The following LRRC37A2 variants were observed in gnomAD, a reference collection of about 807,000 sequenced individuals.
The protein encoded by LRRC37A2 is leucine-rich repeat-containing protein 37A2.
A neutral mutation model predicts 68.8 loss-of-function variants in LRRC37A2; 9 were observed. That is an observed-to-expected ratio of 0.13 (90% CI 0.08 to 0.23). The LOEUF (loss-of-function observed/expected upper bound fraction) is 0.23, where lower values mean the gene tolerates loss of function less well. LRRC37A2 is among the 10% of genes least tolerant of loss of function. LRRC37A2 has a pLI of 1.00. For missense variants in LRRC37A2, 168 were observed against 950.4 expected, an observed-to-expected ratio of 0.18 and a Z score of 10.82; for synonymous variants, 63 against 367.6, an observed-to-expected ratio of 0.17 and a Z score of 9.48.
the LRRC37A2 span, among the ~76,000 whole-genome samples, chr17:46,945,518 C>G: frequency 1.3e-5 from 2 of 152,184 alleles, 1 homozygote; most frequent in African/African-American, 4.8e-5. Context: ...CTTAATCACT[C>G]CAGCCTCAGT....
the LRRC37A2 span, among the ~76,000 whole-genome samples, chr17:47,004,192 C>A: frequency 6.6e-6 from 1 of 151,940 alleles, no homozygotes; most frequent in African/African-American, 2.4e-5. Context: ...CATGTGCATG[C>A]GCCTTTATAG....
chr17:46,558,702 T>C (rs1427520102), downstream of LRRC37A2: 1 of 135,552 alleles, frequency 7.4e-6, no homozygotes, highest in Admixed American at 7.4e-5. Flanking sequence ...GGAAATTCAG[T>C]TTCTGAAAAT....
the LRRC37A2 span, among the ~76,000 whole-genome samples, chr17:46,770,922 C>G: frequency 2.0e-5 from 3 of 152,270 alleles, no homozygotes; most frequent in Non-Finnish European, 4.4e-5. Flanking sequence ...GCCCAACCAT[C>G]TCTCTCCTCA....
chr17:46,979,269 G>T, the LRRC37A2 span: 1 of 321,646 alleles, frequency 3.1e-6, no homozygotes, highest in Non-Finnish European at 5.9e-6. Context: ...GCGGTCGCCC[G>T]CTGGGTTCCT....
the LRRC37A2 span, among the ~76,000 whole-genome samples, chr17:46,970,554 A>C: frequency 6.3e-4 from 96 of 151,326 alleles, 2 homozygotes; most frequent in South Asian, 0.012. Flanking sequence ...AAAAAAAAAA[A>C]AAAAAACTCA....
the LRRC37A2 span, among the ~76,000 whole-genome samples, chr17:46,598,752 C>T: frequency 6.6e-6 from 1 of 151,992 alleles, no homozygotes; most frequent in Non-Finnish European, 1.5e-5. Context: ...GGGTGAATGA[C>T]ATCATTACCA....
At chr17:46,847,126 C>T in the LRRC37A2 span, among the ~76,000 whole-genome samples, 1 of 152,176 alleles carries the variant, frequency 6.6e-6, no homozygotes, top group Non-Finnish European at 1.5e-5. Context: ...ATTTCTTACC[C>T]CACACTCCCA....
the LRRC37A2 span, among the ~76,000 whole-genome samples, chr17:46,987,251 CAAT>C: frequency 2.6e-4 from 40 of 151,392 alleles, no homozygotes; most frequent in Admixed American, 2.6e-4. Context: ...TCAAAAATAA[CAAT>C]AATAATAATA....
At chr17:46,781,240 A>G in the LRRC37A2 span, among the ~76,000 whole-genome samples, 1 of 152,116 alleles carries the variant, frequency 6.6e-6, no homozygotes, top group Admixed American at 6.6e-5. Flanking sequence ...ACCAAAAAAA[A>G]AAAAAGGAAT....
the LRRC37A2 span, among the ~76,000 whole-genome samples, chr17:46,773,511 G>A: frequency 6.6e-6 from 1 of 152,156 alleles, no homozygotes; most frequent in East Asian, 1.9e-4. Flanking sequence ...CCCCAGCAGC[G>A]CCTGGGAAGG....
At chr17:46,993,400 A>T in the LRRC37A2 span, among the ~76,000 whole-genome samples, 2 of 152,262 alleles carry the variant, frequency 1.3e-5, no homozygotes, top group South Asian at 4.1e-4. Context: ...GCCTACCCCC[A>T]GGATTTAAGG....
chr17:47,023,750 A>AGGTGC, the LRRC37A2 span, among the ~76,000 whole-genome samples: 1 of 152,002 alleles, frequency 6.6e-6, no homozygotes, highest in East Asian at 1.9e-4. Flanking sequence ...GCCCTCCATC[A>AGGTGC]CACCCAGCTA....
chr17:46,461,278 T>C, the LRRC37A2 span, among the ~76,000 whole-genome samples: 1 of 103,240 alleles, frequency 9.7e-6, no homozygotes, highest in East Asian at 2.5e-4. Context: ...CCTACAGCTA[T>C]ATACAGTTGT....
chr17:46,876,152 T>C, the LRRC37A2 span: 4 of 1,232,254 alleles, frequency 3.2e-6, no homozygotes, highest in African/African-American at 6.1e-5. Context: ...CCCATTCTCC[T>C]GCCTCTGCCC....
the LRRC37A2 span, chr17:46,929,411 G>A: frequency 1.4e-6 from 1 of 732,206 alleles, no homozygotes; most frequent in Non-Finnish European, 2.5e-6. Flanking sequence ...GTTCAGTGAT[G>A]CTGTCGATTT....
At chr17:46,948,662 G>A in the LRRC37A2 span, 1 of 152,264 alleles carries the variant, frequency 6.6e-6, no homozygotes, top group South Asian at 2.1e-4. Flanking sequence ...GGATCAGTGA[G>A]TATGCGCAGG....
the LRRC37A2 span, among the ~76,000 whole-genome samples, chr17:46,902,331 T>C: frequency 1.3e-5 from 2 of 152,208 alleles, no homozygotes; most frequent in Admixed American, 6.5e-5. Flanking sequence ...AGATCCCTAC[T>C]TGTGCTAACC....
the LRRC37A2 span, among the ~76,000 whole-genome samples, chr17:46,772,316 C>T: frequency 6.6e-6 from 1 of 152,270 alleles, no homozygotes; most frequent in Non-Finnish European, 1.5e-5. Context: ...GTGCCAGAAC[C>T]TACGGTGGTG....
the LRRC37A2 span, among the ~76,000 whole-genome samples, chr17:46,956,698 G>A: frequency 6.6e-6 from 1 of 152,162 alleles, no homozygotes; most frequent in Non-Finnish European, 1.5e-5. Flanking sequence ...ACGCTGAGGG[G>A]GCGGCCATGT....
Sources: allele counts gnomAD v4.1 joint callset (sites outside exome capture counted in the v4.1 genomes callset), GRCh38; gene constraint gnomAD v4.1.1; transcripts MANE v1.5; gene names NCBI Gene and HGNC (gene_info 2026-07-23, HGNC 2026-07-21).